The following RABEP2 variants were observed in gnomAD, a reference collection of about 807,000 sequenced individuals.
RABEP2 encodes rab GTPase-binding effector protein 2.
Under a neutral mutation model 74.1 loss-of-function variants are expected in RABEP2, and 57 were observed. The observed-to-expected ratio is 0.77, with a 90% CI of 0.62 to 0.96. The LOEUF (loss-of-function observed/expected upper bound fraction) is 0.96, where lower values mean the gene tolerates loss of function less well. Among genes scored for constraint, RABEP2 ranks in the 40% least tolerant of loss-of-function variants. The probability of loss-of-function intolerance (pLI) is 0.00; values close to 1 mark genes in which losing one functional copy is unlikely to be tolerated. For missense variants in RABEP2, 692 were observed against 756.3 expected, an observed-to-expected ratio of 0.91 and a Z score of 1.00; for synonymous variants, 351 against 344.0, an observed-to-expected ratio of 1.02 and a Z score of -0.23.
chr16:28,905,642 G>C, intron 11 of RABEP2, 62 bp downstream of exon 11: 1 of 1,577,170 alleles, frequency 6.3e-7, no homozygotes, highest in Non-Finnish European at 8.6e-7. Flanking sequence ...CGGGAGGGGT[G>C]GGGGAGGGTC....
At chr16:28,905,180 C>T in intron 12 of RABEP2, 136 bp from the exon 13 acceptor site, 2 of 729,986 alleles carry the variant, frequency 2.7e-6, no homozygotes, top group Non-Finnish European at 4.5e-6. Flanking sequence ...CCACAAATGC[C>T]CTGAGCGTCC....
chr16:28,916,651 G>A (rs557691392), intron 3 of RABEP2, among the ~76,000 whole-genome samples: 6 of 120,426 alleles, frequency 5.0e-5, no homozygotes, highest in South Asian at 2.7e-4. Flanking sequence ...CAGCCTGGGC[G>A]ACAGACTGAG....
In RABEP2 at chr16:28,904,717, G is replaced by C. The variant is rs755119761; in HGVS notation, c.*226C>G. 7.8e-6 allele frequency: 5 copies of C among 642,436 alleles called. No individual in the cohort carries two copies. Among genetic ancestry groups the C allele is most frequent in the East Asian group, 5.9e-5 (2 of 33,880 alleles). The allele number at this position is 642,436 out of a possible 1,614,324, so 39.8% of individuals were successfully genotyped here. ...GGCCTGAGCCTGCACCTTTGGTTCC[G>C]GGAGGGGCTTGGGCCCCTCACCCAG... On this transcript the variant is annotated 3_prime_UTR_variant, in exon 13 of 13. Transcript: ENST00000358201.
In RABEP2 at chr16:28,914,387, G is replaced by T. The variant is rs947884284; in HGVS notation, c.743C>A (p.Ser248Tyr). ...CAGGCCCTGGCGGCTTTGGGGCAGG[G>T]AGGAGCTGCTGCCGACCCCACCGCC... is the stretch of plus-strand genomic sequence containing the variant. ...SLGGGVGSSS[S>Y]LPQSRQGLSP... is the part of the protein sequence containing the mutation. The change falls in exon 5 of 13, where the codon TCC becomes TAC. Residue 248 changes from serine to tyrosine, a missense_variant. Transcript: ENST00000358201. The T allele has an allele frequency of 6.2e-7, 1 of 1,613,204 alleles. No homozygotes were observed. Among genetic ancestry groups the T allele is most frequent in the Non-Finnish European group, 8.5e-7 (1 of 1,179,996 alleles).
At chr16:28,912,402 CTTTCTTTT>C (rs1250873543) in intron 5 of RABEP2, among the ~76,000 whole-genome samples, 6 of 125,838 alleles carry the variant, frequency 4.8e-5, no homozygotes, top group African/African-American at 1.4e-4. Context: ...AGCTTTCTTT[CTTTCTTTT>C]TTTTTTTTTT....
chr16:28,906,638 G>A (rs936026081), intron 8 of RABEP2, among the ~76,000 whole-genome samples: 3 of 152,198 alleles, frequency 2.0e-5, no homozygotes, highest in Admixed American at 6.5e-5. Context: ...GGTGGTGCAC[G>A]CCTGTAGTCC....
intron 8 of RABEP2, among the ~76,000 whole-genome samples, chr16:28,906,666 G>A (rs1964238800): frequency 6.6e-6 from 1 of 152,172 alleles, no homozygotes. Flanking sequence ...TCCGGAGGCT[G>A]AGGCAGAAGA....
At position 28,904,620 on chromosome 16, in the gene RABEP2, C is replaced by T; in HGVS notation, c.*323G>A. Reference sequence around the variant, plus strand: ...CCAGCCCCCATGGCTCCGCTGTGCCCTGGGCAGGGGACGGGCTGGGGGCAG... The same window carrying T: ...CCAGCCCCCATGGCTCCGCTGTGCCTTGGGCAGGGGACGGGCTGGGGGCAG... On this transcript the variant is annotated 3_prime_UTR_variant, in exon 13 of 13. Coordinates refer to ENST00000358201, the MANE Select transcript of RABEP2 (RefSeq NM_024816.3). The T allele has an allele frequency of 1.9e-6, 2 of 1,035,942 alleles. No homozygotes were observed. The highest frequency in any genetic ancestry group is 2.6e-6 in the Non-Finnish European group (2 of 759,004). 64.2% of individuals were successfully genotyped at this position (1,035,942 alleles called of 1,614,324 possible).
chr16:28,910,840 T>C, intron 7 of RABEP2, 48 bp downstream of exon 7: 1 of 1,514,870 alleles, frequency 6.6e-7, no homozygotes, highest in Non-Finnish European at 9.0e-7. Flanking sequence ...TGCAACTGAT[T>C]CCTGCTGGAC....
intron 2 of RABEP2, among the ~76,000 whole-genome samples, chr16:28,921,855 C>G (rs2152223753): frequency 6.6e-6 from 1 of 152,026 alleles, no homozygotes; most frequent in East Asian, 2.0e-4. Context: ...ATCCCAGCTA[C>G]TTGGGAGGCT....
intron 8 of RABEP2, among the ~76,000 whole-genome samples, chr16:28,907,858 G>A (rs1964256209): frequency 6.6e-6 from 1 of 152,114 alleles, no homozygotes; most frequent in Non-Finnish European, 1.5e-5. Context: ...GGAGTGCAAT[G>A]GCGCGATTTC....
At position 28,906,197 on chromosome 16, in the gene RABEP2, C is replaced by G; in HGVS notation, c.1246-1G>C. 6.3e-7 allele frequency: 1 copy of G among 1,582,086 alleles called. No individual in the cohort carries two copies. Among genetic ancestry groups the G allele is most frequent in the Non-Finnish European group, 8.5e-7 (1 of 1,171,432 alleles). The stretch of plus-strand genomic sequence containing the variant: ...TGCAGCACAGCAGCTGCTGCAGCTC[C>G]TGGAAGGGACGGAGGAGTCACCTGC... On this transcript the variant is annotated splice_acceptor_variant, in intron 8 of 12. Transcript: ENST00000358201. LOFTEE classifies it high-confidence loss of function.
intron 8 of RABEP2, 79 bp downstream of exon 8, chr16:28,908,530 G>C: frequency 7.6e-6 from 11 of 1,451,492 alleles, no homozygotes; most frequent in Non-Finnish European, 1.0e-5. Context: ...CTGGCTGGTC[G>C]TGACCAACGC....
chr16:28,916,234 C>T (rs536153045), intron 3 of RABEP2: 1 of 152,334 alleles, frequency 6.6e-6, no homozygotes, highest in African/African-American at 2.4e-5. Context: ...GGAATGTGGA[C>T]ATGATGGCTG....
intron 5 of RABEP2, 52 bp from the exon 6 acceptor site, chr16:28,911,231 C>T (rs1964309576): frequency 6.4e-7 from 1 of 1,554,584 alleles, no homozygotes; most frequent in Non-Finnish European, 8.7e-7. Flanking sequence ...TGGCCCCCCT[C>T]ACCACACTTC....
chr16:28,919,816 G>A lies in RABEP2; in HGVS notation c.402C>T (p.Pro134=). The A allele has an allele frequency of 6.2e-7, 1 of 1,610,960 alleles. No homozygotes were observed. Among genetic ancestry groups the A allele is most frequent in the Non-Finnish European group, 8.5e-7 (1 of 1,178,288 alleles). Residue 134 remains proline (P), a synonymous_variant, in exon 3 of 13, where the codon CCC becomes CCT. Coordinates refer to ENST00000358201, the MANE Select transcript of RABEP2 (RefSeq NM_024816.3). ...RLKQLLSRAY[P]LDSLEKQMEK... The stretch of plus-strand genomic sequence containing the variant: ...CCATCTGCTTCTCCAGGGAGTCCAG[G>A]GGGTAGGCCCGGGACAGCAGCTGCT...
At chr16:28,917,235 A>C (rs894011538) in intron 3 of RABEP2, among the ~76,000 whole-genome samples, 1 of 151,818 alleles carries the variant, frequency 6.6e-6, no homozygotes, top group South Asian at 2.1e-4. Flanking sequence ...AAAACAAACC[A>C]CTCAGGGACG....
chr16:28,919,428 G>A (rs1235644061), intron 3 of RABEP2, among the ~76,000 whole-genome samples: 1 of 152,258 alleles, frequency 6.6e-6, no homozygotes, highest in Admixed American at 6.5e-5. Context: ...GGGATTATAG[G>A]CGTGAGCCAC....
At position 28,925,142 on chromosome 16, in the gene RABEP2, C is replaced by T. The variant is rs1964518566; in HGVS notation, c.22G>A (p.Ala8Thr). ...CGCCGCCGCTCATCGTCGTCCGCGG[C>T]CACCGGCGCAGCTGCCGCCATTGCC... MAAAAPV[A>T]ADDDERRRRP... The change falls in exon 1 of 13, where the codon GCC (alanine) becomes ACC (threonine). Residue 8 changes from alanine to threonine, a missense_variant. Physicochemically the swap from Ala to Thr is moderately conservative, Grantham distance 58. Coordinates refer to ENST00000358201, the MANE Select transcript of RABEP2 (RefSeq NM_024816.3). 6.5e-7 allele frequency: 1 copy of T among 1,533,336 alleles called. No individual in the cohort carries two copies. Among genetic ancestry groups the T allele is most frequent in the Non-Finnish European group, 8.7e-7 (1 of 1,145,922 alleles). The allele number at this position is 1,533,336 out of a possible 1,614,324, so 95.0% of individuals were successfully genotyped here. A position where few individuals can be genotyped will look rare whatever the true frequency, so the allele number is the denominator to read the frequency against.
Sources: gnomAD v4.1 joint callset for allele counts (sites outside exome capture counted in the v4.1 genomes callset) on GRCh38, gnomAD v4.1.1 for gene constraint, MANE v1.5 for transcripts, NCBI Gene and HGNC (gene_info 2026-07-23, HGNC 2026-07-21) for gene names.